HSF2: variants seen among roughly 807,000 people sequenced by gnomAD.
HSF2 encodes the protein heat shock transcription factor 2.
In HSF2, 21 loss-of-function variants were observed where a neutral mutation model predicts 65.0. The ratio of observed to expected loss-of-function variants is 0.32; its 90% confidence interval spans 0.23 to 0.47. The LOEUF (loss-of-function observed/expected upper bound fraction) is 0.47. HSF2 is among the 20% of genes least tolerant of loss of function. The pLI is 1.00. For synonymous variants in HSF2, 225 were observed against 219.1 expected, an observed-to-expected ratio of 1.03 and a Z score of -0.24; for missense variants, 499 against 628.1, an observed-to-expected ratio of 0.79 and a Z score of 2.20.
intron 11 of HSF2, among the ~76,000 whole-genome samples, chr6:122,429,913 T>G (rs1774424490): frequency 6.6e-6 from 1 of 152,230 alleles, no homozygotes; most frequent in Admixed American, 6.5e-5. Flanking sequence ...AGTTTGCCAG[T>G]ATTTTATTGA....
intron 3 of HSF2, 22 bp downstream of exon 3, chr6:122,412,786 C>CT: frequency 6.2e-7 from 1 of 1,610,322 alleles, no homozygotes; most frequent in South Asian, 1.1e-5. Flanking sequence ...TGAACGTGAG[C>CT]TAATTAGGGT....
chr6:122,399,696 G>A lies in HSF2; in HGVS notation c.-42G>A, dbSNP rs770235961. On this transcript the variant is annotated 5_prime_UTR_variant, in exon 1 of 13. Transcript: ENST00000368455. ...CGTAGCTGCCGCCGCCGCTACCACC[G>A]CGTTCGGGTGTAGAATTTGGAATCC... 13 of 1,559,136 alleles carry A rather than the reference G, an allele frequency of 8.3e-6. No individual in the cohort carries two copies. The highest frequency in any genetic ancestry group is 1.7e-4 in the Middle Eastern group (1 of 5,962).
chr6:122,422,031 C>G, intron 7 of HSF2, 119 bp from the exon 8 acceptor site: 1 of 664,348 alleles, frequency 1.5e-6, no homozygotes, highest in Non-Finnish European at 2.6e-6. Context: ...GAGAACACAC[C>G]TGTTTTGCAT....
Position 122,404,326 on chromosome 6 carries a change from G to A in HSF2, c.93+4496G>A, listed in dbSNP as rs568419423. Among the ~76,000 whole-genome samples the A allele has an allele frequency of 5.3e-5, 8 of 152,300 alleles. No individual in the cohort carries two copies. In the East Asian group the frequency reaches 1.5e-3, roughly 29 times the overall value. On this transcript the variant is annotated intron_variant, in intron 1 of 12. Coordinates refer to ENST00000368455, the MANE Select transcript of HSF2 (RefSeq NM_004506.4). ...CATTGCATTATATTAGTATTTCAAA[G>A]TGAAAATAAGAAAGACTACAAGTGT... is the stretch of plus-strand genomic sequence containing the variant.
chr6:122,423,909 T>G (rs756148075), intron 10 of HSF2, among the ~76,000 whole-genome samples: 8 of 152,130 alleles, frequency 5.3e-5, no homozygotes, highest in Non-Finnish European at 8.8e-5. Flanking sequence ...AATTTCCCTG[T>G]GAGAACATAT....
chr6:122,413,908 G>A (rs1477102956), intron 4 of HSF2, among the ~76,000 whole-genome samples: 2 of 152,064 alleles, frequency 1.3e-5, no homozygotes, highest in African/African-American at 4.8e-5. Flanking sequence ...TGATGTATAA[G>A]TCTTAGCAAT....
At chr6:122,418,996 A>G (rs139003328) in intron 5 of HSF2, among the ~76,000 whole-genome samples, 172 bp from the exon 6 acceptor site, 4 of 152,300 alleles carry the variant, frequency 2.6e-5, no homozygotes, top group Non-Finnish European at 5.9e-5. Flanking sequence ...GGAAGCTGGT[A>G]TGTTTCTTTA....
chr6:122,428,940 C>T (rs1774398351), intron 11 of HSF2, among the ~76,000 whole-genome samples: 2 of 152,004 alleles, frequency 1.3e-5, no homozygotes, highest in South Asian at 2.1e-4. Context: ...CATACTTTCT[C>T]CATAAAGGGG....
intron 5 of HSF2, 50 bp from the exon 6 acceptor site, chr6:122,419,118 C>A: frequency 1.1e-6 from 1 of 878,072 alleles, no homozygotes; most frequent in South Asian, 1.5e-5. Flanking sequence ...GTAATAGAGA[C>A]AAAAGAATTA....
At chr6:122,403,167 T>A (rs891585824) in intron 1 of HSF2, among the ~76,000 whole-genome samples, 1 of 152,140 alleles carries the variant, frequency 6.6e-6, no homozygotes, top group African/African-American at 2.4e-5. Flanking sequence ...TCCTCGAAAT[T>A]TGCAATATGA....
chr6:122,399,942 G>A (rs1773681368), intron 1 of HSF2, 112 bp downstream of exon 1: 3 of 806,868 alleles, frequency 3.7e-6, no homozygotes, highest in Non-Finnish European at 6.2e-6. Context: ...TGCGAGGCCC[G>A]CGGTGCGGGG....
Position 122,432,446 on chromosome 6 carries a change from C to CT in HSF2, c.*229dup. 2.4e-6 allele frequency: 1 copy of CT among 413,340 alleles called. No individual in the cohort carries two copies. The highest frequency in any genetic ancestry group is 4.3e-6 in the Non-Finnish European group (1 of 231,874). 25.6% of individuals were successfully genotyped at this position (413,340 alleles called of 1,614,324 possible). ...GATGTAATGCACATTATTGGCGTAT[C>CT]TTTAAGTTGGATTCAAATGGCCATT... On this transcript the variant is annotated 3_prime_UTR_variant, in exon 13 of 13. Coordinates refer to ENST00000368455, the MANE Select transcript of HSF2 (RefSeq NM_004506.4).
intron 5 of HSF2, among the ~76,000 whole-genome samples, chr6:122,417,781 C>G (rs1436025005): frequency 3.9e-5 from 6 of 152,056 alleles, no homozygotes; most frequent in Non-Finnish European, 7.4e-5. Context: ...TAAATTCAAC[C>G]TGAAGTTTTT....
intron 10 of HSF2, among the ~76,000 whole-genome samples, chr6:122,424,910 A>C (rs906619439): frequency 1.3e-5 from 2 of 152,026 alleles, no homozygotes; most frequent in African/African-American, 2.4e-5. Flanking sequence ...TGCCACATTT[A>C]TTTGCCCTAA....
chr6:122,405,766 G>T (rs916065690), intron 1 of HSF2, among the ~76,000 whole-genome samples: 5 of 152,180 alleles, frequency 3.3e-5, no homozygotes, highest in African/African-American at 1.2e-4. Context: ...GTCTGTATCT[G>T]CTTTCTCACT....
rs1774249942 is a variant in HSF2 at position 122,422,166 on chromosome 6, C to T, written c.698C>T (p.Thr233Ile). The change falls in exon 8 of 13, where the codon ACT becomes ATT. Residue 233 changes from threonine to isoleucine, a missense_variant. Around this residue, in one of 2 missense-constraint regions of HSF2, gnomAD observed 349 missense variants for 393.5 expected, o/e 0.89. Coordinates refer to ENST00000368455, the MANE Select transcript of HSF2 (RefSeq NM_004506.4). ...NHHHKVPHSRTEGLKPRERIS... is the reference protein window; with the variant it reads ...NHHHKVPHSRIEGLKPRERIS... ...AATTTTTAGGTTCCACACAGTAGGACTGAAGGTTTAAAGCCAAGGGAGAGG... is the reference window on the plus strand; with the variant it reads ...AATTTTTAGGTTCCACACAGTAGGATTGAAGGTTTAAAGCCAAGGGAGAGG... 1 of 1,604,284 alleles carries T rather than the reference C, an allele frequency of 6.2e-7. No individual in the cohort carries two copies. Among genetic ancestry groups the T allele is most frequent in the African/African-American group, 1.3e-5 (1 of 74,748 alleles).
At chr6:122,412,582 A>C (rs550779328) in intron 2 of HSF2, 55 bp from the exon 3 acceptor site, 2 of 1,591,554 alleles carry the variant, frequency 1.3e-6, no homozygotes, top group South Asian at 2.2e-5. Context: ...CCATACAAGC[A>C]CCACCAAATT....
chr6:122,412,553 G>A, intron 2 of HSF2, 72 bp downstream of exon 2: 1 of 1,553,864 alleles, frequency 6.4e-7, no homozygotes, highest in Non-Finnish European at 8.9e-7. Flanking sequence ...TCCCATTAGG[G>A]TGGTAAAGGA....
intron 10 of HSF2, among the ~76,000 whole-genome samples, chr6:122,425,751 G>A (rs505749): frequency 0.8 from 120,981 of 151,882 alleles, 48,422 homozygotes; most frequent in South Asian, 0.92. Context: ...TACTTTTTCT[G>A]TCTCTCTTCT....
Sources: gnomAD v4.1 joint callset for allele counts (sites outside exome capture counted in the v4.1 genomes callset) on GRCh38, gnomAD v4.1.1 for gene constraint, gnomAD v4.1.1 regional missense constraint, MANE v1.5 for transcripts, NCBI Gene and HGNC (gene_info 2026-07-23, HGNC 2026-07-21) for gene names.